Variants in FAM124A observed in about 807,000 individuals in gnomAD.
FAM124A encodes the protein family with sequence similarity 124 member A.
In FAM124A, 23 loss-of-function variants were observed where a neutral mutation model predicts 24.5. That is an observed-to-expected ratio of 0.94 (90% confidence interval 0.68 to 1.33). The LOEUF is 1.33. Ranked by LOEUF, FAM124A falls within the 40% of genes most tolerant of loss-of-function variation. The pLI is 0.00. For synonymous variants in FAM124A, 287 were observed against 314.7 expected, an observed-to-expected ratio of 0.91 and a Z score of 0.93; for missense variants, 623 against 722.8, an observed-to-expected ratio of 0.86 and a Z score of 1.58.
chr13:51,240,624 G>T (rs1313690329), intron 2 of FAM124A, among the ~76,000 whole-genome samples: 1 of 152,130 alleles, frequency 6.6e-6, no homozygotes, highest in Non-Finnish European at 1.5e-5. Flanking sequence ...TGTGATGAAG[G>T]GCTCGCCATC....
chr13:51,260,139 G>C (rs1954719581), intron 3 of FAM124A, among the ~76,000 whole-genome samples: 1 of 152,194 alleles, frequency 6.6e-6, no homozygotes, highest in Non-Finnish European at 1.5e-5. Flanking sequence ...TGAAAGCAGG[G>C]CCAGAGAGTA....
chr13:51,232,024 TATTA>T (rs994774706), intron 2 of FAM124A, among the ~76,000 whole-genome samples: 5 of 152,366 alleles, frequency 3.3e-5, no homozygotes, highest in African/African-American at 1.2e-4. Flanking sequence ...GGAATTTAGC[TATTA>T]CTTTTCCACT....
At chr13:51,223,549 G>A (rs1171608484) in intron 1 of FAM124A, among the ~76,000 whole-genome samples, 3 of 152,202 alleles carry the variant, frequency 2.0e-5, no homozygotes, top group Admixed American at 2.0e-4. Context: ...TGGCAACCCT[G>A]TGAGGGCAGG....
chr13:51,232,568 G>A, intron 2 of FAM124A, among the ~76,000 whole-genome samples: 1 of 152,160 alleles, frequency 6.6e-6, no homozygotes, highest in East Asian at 1.9e-4. Context: ...TAGTATAACT[G>A]CAATGAGCAA....
At chr13:51,228,932 G>A (rs978024907) in intron 1 of FAM124A, among the ~76,000 whole-genome samples, 6 of 152,262 alleles carry the variant, frequency 3.9e-5, no homozygotes, top group East Asian at 1.9e-4. Flanking sequence ...AACCAGGAGC[G>A]ATCATTTAGC....
chr13:51,228,713 G>A (rs925727713), intron 1 of FAM124A, among the ~76,000 whole-genome samples: 7 of 152,108 alleles, frequency 4.6e-5, no homozygotes, highest in African/African-American at 1.7e-4. Flanking sequence ...GTGCAGAATT[G>A]TTTCAAGCTT....
intron 2 of FAM124A, among the ~76,000 whole-genome samples, chr13:51,248,565 G>A (rs1954588216): frequency 6.6e-6 from 1 of 152,206 alleles, no homozygotes; most frequent in African/African-American, 2.4e-5. Context: ...TGGGTGTGAA[G>A]TTTGGCTGAT....
At chr13:51,259,639 C>G (rs1488061686) in intron 3 of FAM124A, among the ~76,000 whole-genome samples, 1 of 152,126 alleles carries the variant, frequency 6.6e-6, no homozygotes, top group African/African-American at 2.4e-5. Context: ...ACGCAGTTGT[C>G]CCTCTCTCAT....
In FAM124A at chr13:51,280,464, TAAG is replaced by T; in HGVS notation, c.853_855del (p.Lys285del). The T allele has an allele frequency of 6.2e-7, 1 of 1,606,190 alleles. No individual in the cohort carries two copies. The highest frequency in any genetic ancestry group is 8.5e-7 in the Non-Finnish European group (1 of 1,175,292). The stretch of plus-strand genomic sequence containing the variant: ...TCCCCCCACAGGCACAAAGGGTGCA[TAAG>T]AAGTTTCCTAAACCTGGCAGAGTAC... On this transcript the variant is annotated inframe_deletion, in exon 4 of 4. Coordinates refer to ENST00000322475, the MANE Select transcript of FAM124A (RefSeq NM_001242312.2).
chr13:51,252,802 T>C (rs1445469545), intron 3 of FAM124A: 3 of 152,740 alleles, frequency 2.0e-5, no homozygotes, highest in Non-Finnish European at 4.4e-5. Flanking sequence ...GAGTAAGTGA[T>C]GCCTTGGGAG....
Position 51,280,880 on chromosome 13 carries a change from C to T in FAM124A, c.1265C>T (p.Ser422Leu). 6.2e-7 allele frequency: 1 copy of T among 1,614,198 alleles called. No homozygotes were observed. The highest frequency in any genetic ancestry group is 8.5e-7 in the Non-Finnish European group (1 of 1,180,038). ...GTGGACACAGGCCTGCGGCTGTCCTCATCGGACCTGTCTGTGGTCTCTGCA... is the reference window on the plus strand; with the variant it reads ...GTGGACACAGGCCTGCGGCTGTCCTTATCGGACCTGTCTGTGGTCTCTGCA... Reference protein sequence around the residue: ...TDVDTGLRLSSSDLSVVSAYS... With the variant: ...TDVDTGLRLSLSDLSVVSAYS... The change falls in exon 4 of 4, where the codon TCA (serine) becomes TTA (leucine). Residue 422 changes from serine to leucine, a missense_variant. Physicochemically the swap from Ser to Leu is moderately radical, Grantham distance 145 (BLOSUM62 -2). Coordinates refer to ENST00000322475, the MANE Select transcript of FAM124A (RefSeq NM_001242312.2).
intron 2 of FAM124A, among the ~76,000 whole-genome samples, chr13:51,231,743 C>G (rs1269388088): frequency 6.6e-6 from 1 of 152,212 alleles, no homozygotes; most frequent in East Asian, 1.9e-4. Context: ...TGCAGTTGCT[C>G]CAGCTCATCT....
chr13:51,269,830 CA>C (rs1954822799), intron 3 of FAM124A, among the ~76,000 whole-genome samples: 1 of 152,022 alleles, frequency 6.6e-6, no homozygotes, highest in Non-Finnish European at 1.5e-5. Context: ...TTTCTGTACC[CA>C]AAAGCAGATC....
chr13:51,225,972 CTTTCTTTTTTTTTT>C (rs869193294), intron 1 of FAM124A, among the ~76,000 whole-genome samples: 12 of 68,192 alleles, frequency 1.8e-4, no homozygotes, highest in African/African-American at 2.9e-4. Context: ...TGCTTGCTTG[CTTTCTTTTTTTTTT>C]TTTTTTTTTT....
chr13:51,259,390 G>A (rs1043731870), intron 3 of FAM124A, among the ~76,000 whole-genome samples: 17 of 151,660 alleles, frequency 1.1e-4, no homozygotes, highest in African/African-American at 3.4e-4. Flanking sequence ...TCCCACTCCC[G>A]CTGACCTCCT....
At chr13:51,242,969 A>G (rs1257975927) in intron 2 of FAM124A, among the ~76,000 whole-genome samples, 5 of 152,248 alleles carry the variant, frequency 3.3e-5, no homozygotes, top group African/African-American at 1.2e-4. Context: ...GCCAAATGAA[A>G]ATATAAGTTT....
At chr13:51,238,390 C>T (rs973948186) in intron 2 of FAM124A, among the ~76,000 whole-genome samples, 8 of 152,230 alleles carry the variant, frequency 5.3e-5, no homozygotes, top group Admixed American at 2.6e-4. Flanking sequence ...CTTCGTTATG[C>T]AAGCTCGCTC....
chr13:51,227,861 T>C (rs1444799665), intron 1 of FAM124A, among the ~76,000 whole-genome samples: 1 of 152,238 alleles, frequency 6.6e-6, no homozygotes, highest in Non-Finnish European at 1.5e-5. Context: ...GATACTTCGC[T>C]GTGACTTAAG....
intron 3 of FAM124A, among the ~76,000 whole-genome samples, chr13:51,264,193 T>C (rs1411278315): frequency 6.6e-6 from 1 of 152,214 alleles, no homozygotes; most frequent in Non-Finnish European, 1.5e-5. Context: ...TTGTCCAACT[T>C]TGGAAGAGGA....
Sources: gnomAD v4.1 joint callset for allele counts (sites outside exome capture counted in the v4.1 genomes callset) on GRCh38, gnomAD v4.1.1 for gene constraint, MANE v1.5 for transcripts, NCBI Gene and HGNC (gene_info 2026-07-23, HGNC 2026-07-21) for gene names.